Variants in PRMT8 observed in about 807,000 individuals in gnomAD.
PRMT8 encodes the protein protein arginine N-methyltransferase 8.
A neutral mutation model predicts 47.1 loss-of-function variants in PRMT8; 7 were observed. That is an observed-to-expected ratio of 0.15 (90% CI 0.08 to 0.28). PRMT8 has a LOEUF of 0.28. PRMT8 is among the 10% of genes least tolerant of loss of function. The pLI, the probability that PRMT8 is intolerant of heterozygous loss-of-function variation, is 1.00. For missense variants in PRMT8, 237 were observed against 505.4 expected, an observed-to-expected ratio of 0.47 and a Z score of 5.09; for synonymous variants, 188 against 186.5, an observed-to-expected ratio of 1.01 and a Z score of -0.07.
chr12:3,556,150 A>T lies in PRMT8; in HGVS notation c.481+2436A>T, dbSNP rs77222300. 2.6e-3 allele frequency among the ~76,000 whole-genome samples: 397 copies of T among 152,262 alleles called. 3 individuals are homozygous for T. The highest frequency in any genetic ancestry group is 9.0e-3 in the African/African-American group (376 of 41,550). ...CATCCAGGTAGGTGCGCTGAGTCAG[A>T]CTTGGATACGTGCGTCCAGAATTTC... On this transcript the variant is annotated intron_variant, in intron 4 of 9. Transcript: ENST00000382622.
intron 1 of PRMT8, among the ~76,000 whole-genome samples, chr12:3,395,795 T>G (rs1228006236): frequency 5.9e-5 from 9 of 151,688 alleles, no homozygotes; most frequent in Admixed American, 3.3e-4. Context: ...TTGATCTGTC[T>G]AATGTTGACA....
chr12:3,482,729 AG>A (rs1865286391), intron 1 of PRMT8, among the ~76,000 whole-genome samples: 1 of 152,134 alleles, frequency 6.6e-6, no homozygotes, highest in African/African-American at 2.4e-5. Context: ...CAACAGATGC[AG>A]TTTTGCTGGG....
At chr12:3,450,725 T>A (rs2137079894) in intron 1 of PRMT8, among the ~76,000 whole-genome samples, 1 of 152,360 alleles carries the variant, frequency 6.6e-6, no homozygotes, top group South Asian at 2.1e-4. Flanking sequence ...TTTGATATGT[T>A]TTATGTGAAC....
intron 1 of PRMT8, among the ~76,000 whole-genome samples, chr12:3,464,614 C>T (rs928101898): frequency 1.3e-5 from 2 of 151,988 alleles, no homozygotes; most frequent in South Asian, 2.1e-4. Flanking sequence ...AAAATAAATC[C>T]CTGCCCTTAA....
chr12:3,491,043 G>A (rs1420089336), upstream of PRMT8, among the ~76,000 whole-genome samples: 1 of 152,156 alleles, frequency 6.6e-6, no homozygotes, highest in Non-Finnish European at 1.5e-5. Context: ...GCGCCAGGGA[G>A]TGGAGGCGGC....
At chr12:3,466,852 A>G (rs1240630541) in intron 1 of PRMT8, among the ~76,000 whole-genome samples, 1 of 152,172 alleles carries the variant, frequency 6.6e-6, no homozygotes, top group East Asian at 1.9e-4. Context: ...TCCTTCACTT[A>G]TTGCTGTATG....
At chr12:3,577,065 T>G (rs1274875719) in intron 7 of PRMT8, 79 bp downstream of exon 7, 1 of 1,197,476 alleles carries the variant, frequency 8.4e-7, no homozygotes, top group African/African-American at 1.5e-5. Flanking sequence ...CAATGCCGGC[T>G]CCTGCACAGC....
At chr12:3,522,180 C>T (rs187454825) in intron 1 of PRMT8, among the ~76,000 whole-genome samples, 9 of 152,130 alleles carry the variant, frequency 5.9e-5, no homozygotes, top group Non-Finnish European at 8.8e-5. Flanking sequence ...TATGGACTCC[C>T]GTATTTAGGT....
Position 3,406,471 on chromosome 12 carries a change from A to G in PRMT8, c.48+25029A>G, listed in dbSNP as rs185587990. Among the ~76,000 whole-genome samples, 20 of 152,322 alleles carry G rather than the reference A, an allele frequency of 1.3e-4. No homozygotes were observed. In the South Asian group the frequency reaches 3.9e-3, roughly 30 times the overall value. On this transcript the variant is annotated intron_variant, in intron 1 of 9. Coordinates refer to the PRMT8 transcript ENST00000452611. ...TTTTTTATTGCATTGTCAGGCTGCA[A>G]AATTTCCAAACTTTTATGCTCTGCT... is the stretch of plus-strand genomic sequence containing the variant.
At chr12:3,505,037 G>A (rs1865596924) in intron 1 of PRMT8, among the ~76,000 whole-genome samples, 2 of 135,972 alleles carry the variant, frequency 1.5e-5, no homozygotes, top group Non-Finnish European at 3.2e-5. Flanking sequence ...CCCAGGTGAG[G>A]CAATGCCTCG....
chr12:3,473,431 C>T (rs117228189), intron 1 of PRMT8, among the ~76,000 whole-genome samples: 1,666 of 152,322 alleles, frequency 0.011, 15 homozygotes, highest in Non-Finnish European at 0.015. Context: ...AGCTGGTCTT[C>T]TTCAGCCTTC....
chr12:3,556,619 G>A (rs971228570), intron 4 of PRMT8, among the ~76,000 whole-genome samples: 4 of 151,976 alleles, frequency 2.6e-5, no homozygotes, highest in African/African-American at 9.7e-5. Context: ...TGATGGAATA[G>A]AAAAATGGAA....
chr12:3,508,851 G>C lies in PRMT8; in HGVS notation c.75+17151G>C, dbSNP rs750837179. Among the ~76,000 whole-genome samples, 7 of 152,170 alleles carry C rather than the reference G, an allele frequency of 4.6e-5. No homozygotes were observed. The highest frequency in any genetic ancestry group is 1.0e-4 in the Non-Finnish European group (7 of 68,022). The stretch of plus-strand genomic sequence containing the variant: ...CCTCCGGAGTCCTGCCCTCTTCCCA[G>C]CTCCTGCCATTCTCACTTTTCTTGG... On this transcript the variant is annotated intron_variant, in intron 1 of 9. Transcript: ENST00000382622. The surrounding 1 kb of genome is among the most constrained non-coding windows in gnomAD (Gnocchi z 4.9).
chr12:3,474,673 C>A (rs1865192871), intron 1 of PRMT8, among the ~76,000 whole-genome samples: 1 of 152,146 alleles, frequency 6.6e-6, no homozygotes, highest in Admixed American at 6.5e-5. Context: ...GGAAGCTTCT[C>A]CTAAGCAGCA....
chr12:3,507,758 CTTTT>C (rs928102421), intron 1 of PRMT8, among the ~76,000 whole-genome samples: 4 of 132,732 alleles, frequency 3.0e-5, no homozygotes, highest in Admixed American at 7.6e-5. Context: ...TCTTCTCCTT[CTTTT>C]TTTTTTTTTT....
Position 3,543,458 on chromosome 12 carries a change from C to T in PRMT8, c.261+2667C>T, listed in dbSNP as rs112440272. On this transcript the variant is annotated intron_variant, in intron 2 of 9. Transcript: ENST00000382622. ...TGGGCAAGACCCATATTTCTGCATCCATCTGGAGCCACGCTGGCCATTTGG... is the reference window on the plus strand; with the variant it reads ...TGGGCAAGACCCATATTTCTGCATCTATCTGGAGCCACGCTGGCCATTTGG... Among the ~76,000 whole-genome samples, 188 of 152,316 alleles carry T rather than the reference C, an allele frequency of 1.2e-3. 1 individual carries two copies. The highest frequency in any genetic ancestry group is 4.1e-3 in the African/African-American group (172 of 41,572).
chr12:3,577,032 G>A (rs765372868), intron 7 of PRMT8, 46 bp downstream of exon 7: 7 of 1,519,810 alleles, frequency 4.6e-6, no homozygotes, highest in Admixed American at 1.7e-5. Flanking sequence ...TGGGAGCCCC[G>A]CTGTGCCACC....
intron 1 of PRMT8, among the ~76,000 whole-genome samples, chr12:3,393,330 G>A (rs1002278632): frequency 1.3e-5 from 2 of 149,228 alleles, no homozygotes; most frequent in Non-Finnish European, 3.0e-5. Context: ...TTTCTTCTAG[G>A]GTTTTTATGG....
intron 8 of PRMT8, among the ~76,000 whole-genome samples, chr12:3,591,246 A>G (rs1217272541): frequency 1.3e-5 from 2 of 152,068 alleles, no homozygotes; most frequent in Non-Finnish European, 2.9e-5. Context: ...TGGGTCATAC[A>G]GGATGAATGA....
Sources: gnomAD v4.1 joint callset for allele counts (sites outside exome capture counted in the v4.1 genomes callset) on GRCh38, gnomAD v4.1.1 for gene constraint, Gnocchi (gnomAD v3.1) non-coding constraint, MANE v1.5 for transcripts, NCBI Gene and HGNC (gene_info 2026-07-23, HGNC 2026-07-21) for gene names.